Variants in SACS observed in about 807,000 individuals in gnomAD.
The protein encoded by SACS is sacsin molecular chaperone.
A neutral mutation model predicts 348.0 loss-of-function variants in SACS; 197 were observed. The ratio of observed to expected loss-of-function variants is 0.57; its 90% CI spans 0.50 to 0.64. SACS has a LOEUF of 0.64. Among genes scored for constraint, SACS ranks in the 30% least tolerant of loss-of-function variants. The pLI is 0.00. For synonymous variants in SACS, 1,985 were observed against 1,910.6 expected, an observed-to-expected ratio of 1.04 and a Z score of -1.02; for missense variants, 4,999 against 5,360.8, an observed-to-expected ratio of 0.93 and a Z score of 2.11.
rs1181465031 is a variant in SACS, at chr13:23,338,438, A to G, written c.5438T>C (p.Val1813Ala). 1 of 1,614,100 alleles carries G rather than the reference A, an allele frequency of 6.2e-7. No homozygotes were observed. Among genetic ancestry groups the G allele is most frequent in the Admixed American group, 1.7e-5 (1 of 60,022 alleles). The change falls in exon 10 of 10, where the codon GTA becomes GCA. Residue 1813 changes from valine (V) to alanine (A), a missense_variant. Transcript: ENST00000382292. Reference protein sequence around the residue: ...KPSDELSQKTVECTTWLLCTC... With the variant: ...KPSDELSQKTAECTTWLLCTC... ...ACACAGAAGCCACGTGGTACACTCT[A>G]CTGTTTTCTGTGACAACTCATCTGA...
At position 23,336,128 on chromosome 13, in the gene SACS, A is replaced by C; in HGVS notation, c.7748T>G (p.Leu2583Trp). The change falls in exon 10 of 10, where the codon TTG becomes TGG. Residue 2583 changes from leucine to tryptophan, a missense_variant. Coordinates refer to ENST00000382292, the MANE Select transcript of SACS (RefSeq NM_014363.6). ...GTACACACAAAGTGCTGGCCCTTGC[A>C]ATGGGGCCCACTTATCATCAAATAT... ...DRIFDDKWAP[L>W]QGPALCVYNN... The C allele has an allele frequency of 6.2e-7, 1 of 1,613,022 alleles. No homozygotes were observed. The highest frequency in any genetic ancestry group is 8.5e-7 in the Non-Finnish European group (1 of 1,179,202).
intron 1 of SACS, chr13:23,428,243 C>A (rs9578596): frequency 0.093 from 14,081 of 152,148 alleles, 725 homozygotes; most frequent in African/African-American, 0.12. Flanking sequence ...TTGAAAGCCG[C>A]TATCATTACA....
In SACS at chr13:23,334,946, A is replaced by G; in HGVS notation, c.8930T>C (p.Leu2977Pro). ...RLDLQPDLYC[L>P]VKALYNCIHE... ...AATGCAATTGTAAAGTGCTTTCACT[A>G]GACAATATAAATCTGGCTGTAGATC... is the stretch of plus-strand genomic sequence containing the variant. Residue 2977 changes from leucine (L) to proline (P), a missense_variant, in exon 10 of 10, where the codon CTA becomes CCA. By Grantham distance (98) the Leu-to-Pro change is moderately conservative. Around this residue, in one of 6 missense-constraint regions of SACS, gnomAD observed 734 missense variants for 694.0 expected, o/e 1.06. Transcript: ENST00000382292. 6.2e-7 allele frequency: 1 copy of G among 1,613,920 alleles called. No individual in the cohort carries two copies. The highest frequency in any genetic ancestry group is 8.5e-7 in the Non-Finnish European group (1 of 1,179,854).
Position 23,353,797 on chromosome 13 carries a change from C to T in SACS, c.2173G>A (p.Ala725Thr). ...PHLVAALKEA[A>T]QTRGRPCTQL... ...TAAACTATAATACCTCGGGTTTGGG[C>T]AGCTTCCTTTAAAGCAGCCACAAGG... Residue 725 changes from alanine to threonine, a missense_variant, in exon 9 of 10, where the codon GCC (alanine) becomes ACC (threonine). Ala to Thr is a moderately conservative substitution (Grantham distance 58). Coordinates refer to ENST00000382292, the MANE Select transcript of SACS (RefSeq NM_014363.6). The T allele has an allele frequency of 6.3e-7, 1 of 1,595,788 alleles. No homozygotes were observed. Among genetic ancestry groups the T allele is most frequent in the Non-Finnish European group, 8.6e-7 (1 of 1,163,812 alleles).
At chr13:23,370,918 G>A (rs1171207524) in intron 4 of SACS, among the ~76,000 whole-genome samples, 160 bp downstream of exon 4, 2 of 152,192 alleles carry the variant, frequency 1.3e-5, no homozygotes, top group East Asian at 3.9e-4. Context: ...CTTGAACCCA[G>A]GAGGCAGAGG....
Position 23,400,612 on chromosome 13 carries a change from C to G in SACS, c.20+10608G>C, listed in dbSNP as rs1256344874. ...ATTTTTTGTATTTTTAGTAGAGACA[C>G]GGTTTCACCGTGTTAGCCAGGATGG... On this transcript the variant is annotated intron_variant, in intron 2 of 9. Transcript: ENST00000382292. Among the ~76,000 whole-genome samples the G allele has an allele frequency of 7.2e-5, 11 of 152,078 alleles. No individual in the cohort carries two copies. In the South Asian group the frequency reaches 1.0e-3, roughly 14 times the overall value.
At position 23,335,622 on chromosome 13, in the gene SACS, T is replaced by C. The variant is rs375814343; in HGVS notation, c.8254A>G (p.Ile2752Val). 28 of 1,613,834 alleles carry C rather than the reference T, an allele frequency of 1.7e-5. No homozygotes were observed. The highest frequency in any genetic ancestry group is 5.3e-5 in the African/African-American group (4 of 74,908). ...NHMEKISICE[I>V]DKSTGALNVL... Reference sequence around the variant, plus strand: ...TTTAGAGCTCCAGTACTCTTATCTATTTCACAAATAGAAATTTTTTCCATG... The same window carrying C: ...TTTAGAGCTCCAGTACTCTTATCTACTTCACAAATAGAAATTTTTTCCATG... Residue 2752 changes from isoleucine (I) to valine (V), a missense_variant, in exon 10 of 10, where the codon ATA becomes GTA. Around this residue, in one of 6 missense-constraint regions of SACS, gnomAD observed 3,156 missense variants for 3,380.1 expected, o/e 0.93. Coordinates refer to ENST00000382292, the MANE Select transcript of SACS (RefSeq NM_014363.6). This position sits in a 1 kb window ranked among gnomAD's most constrained non-coding sequence, Gnocchi z 4.7.
chr13:23,398,377 ATAAAAAAT>A lies in SACS; in HGVS notation c.20+12835_20+12842del, dbSNP rs1227195378. Among the ~76,000 whole-genome samples the A allele has an allele frequency of 2.6e-5, 4 of 151,066 alleles. No homozygotes were observed. In the East Asian group the frequency reaches 7.9e-4, roughly 30 times the overall value. On this transcript the variant is annotated intron_variant, in intron 2 of 9. Transcript: ENST00000382292. ...GTGAAACCCCATCTCTACTAAAAAT[ATAAAAAAT>A]TAGCGAGGCGTGGTGGTGCATGCCT...
chr13:23,356,652 G>A (rs534360887), intron 7 of SACS, among the ~76,000 whole-genome samples: 8 of 152,336 alleles, frequency 5.3e-5, no homozygotes, highest in African/African-American at 1.9e-4. Flanking sequence ...GGACAGAGTA[G>A]TATTCAAAAA....
At position 23,341,651 on chromosome 13, in the gene SACS, C is replaced by T. The variant is rs2137645971; in HGVS notation, c.2225G>A (p.Arg742Gln). 11 of 1,613,368 alleles carry T rather than the reference C, an allele frequency of 6.8e-6. No individual in the cohort carries two copies. Among genetic ancestry groups the T allele is most frequent in the Middle Eastern group, 1.6e-4 (1 of 6,062 alleles). Residue 742 changes from arginine to glutamine, a missense_variant, in exon 10 of 10, where the codon CGA becomes CAA. Physicochemically the swap from Arg to Gln is conservative, Grantham distance 43. Transcript: ENST00000382292. ...TACTTCCTTGATAAGACGTGCAAAT[C>T]GTTCTGGATTTAGAAGCTGCAGCTG... ...CTQLQLLNPE[R>Q]FARLIKEVMN...
Position 23,329,606 on chromosome 13 carries a change from C to A in SACS, c.*530G>T. On this transcript the variant is annotated 3_prime_UTR_variant, in exon 10 of 10. Coordinates refer to ENST00000382292, the MANE Select transcript of SACS (RefSeq NM_014363.6). Reference sequence around the variant, plus strand: ...ATAGGATTAAAATACTCTACCATTTCTTAAATGCACTGAGTACAACATAAA... The same window carrying A: ...ATAGGATTAAAATACTCTACCATTTATTAAATGCACTGAGTACAACATAAA... The A allele has an allele frequency of 1.8e-6, 1 of 567,242 alleles. No homozygotes were observed. Among genetic ancestry groups the A allele is most frequent in the Non-Finnish European group, 3.1e-6 (1 of 324,540 alleles). 35.1% of individuals were successfully genotyped at this position (567,242 alleles called of 1,614,324 possible).
At chr13:23,419,117 G>A (rs1216409239) in intron 1 of SACS, 1 of 152,502 alleles carries the variant, frequency 6.6e-6, no homozygotes, top group East Asian at 1.9e-4. Context: ...GCAAGAGCGC[G>A]GCCGTCCGGC....
intron 9 of SACS, 152 bp downstream of exon 9, chr13:23,353,633 T>C (rs967815825): frequency 5.9e-5 from 35 of 595,140 alleles, no homozygotes; most frequent in Non-Finnish European, 6.0e-5. Context: ...GATGCCATTC[T>C]GGCAACTGAA....
Position 23,335,778 on chromosome 13 carries a change from A to C in SACS, c.8098T>G (p.Phe2700Val). 6.2e-7 allele frequency: 1 copy of C among 1,614,060 alleles called. No individual in the cohort carries two copies. The highest frequency in any genetic ancestry group is 1.1e-5 in the South Asian group (1 of 91,076). ...GCCATTTCTGCATTACGAAGAGGAA[A>C]TCTGAACATTGTGCAATTATCCAGT... ...FKLDNCTMFR[F>V]PLRNAEMAKV... The change falls in exon 10 of 10, where the codon TTT (phenylalanine) becomes GTT (valine). Residue 2700 changes from phenylalanine to valine, a missense_variant. By Grantham distance (50) the Phe-to-Val change is conservative. Transcript: ENST00000382292. The surrounding 1 kb of genome is among the most constrained non-coding windows in gnomAD (Gnocchi z 4.7).
chr13:23,400,422 T>C (rs146401369), intron 2 of SACS, among the ~76,000 whole-genome samples: 9 of 152,206 alleles, frequency 5.9e-5, no homozygotes, highest in Admixed American at 3.3e-4. Context: ...TATTTACTTA[T>C]TTTATTTTAT....
At position 23,354,515 on chromosome 13, in the gene SACS, C is replaced by T. The variant is rs761500925; in HGVS notation, c.2093+4G>A. 6.2e-7 allele frequency: 1 copy of T among 1,613,602 alleles called. No individual in the cohort carries two copies. On this transcript the variant is annotated splice_donor_region_variant and intron_variant, in intron 8 of 9. Coordinates refer to ENST00000382292, the MANE Select transcript of SACS (RefSeq NM_014363.6). ...AACAGGAATGTTAGAAGGGGGACCC[C>T]TACCTTGGATATTCTGCTGAGGTAA...
Position 23,338,658 on chromosome 13 carries a change from T to C in SACS, c.5218A>G (p.Lys1740Glu). 6.2e-7 allele frequency: 1 copy of C among 1,614,180 alleles called. No homozygotes were observed. The highest frequency in any genetic ancestry group is 8.5e-7 in the Non-Finnish European group (1 of 1,180,016). Residue 1740 changes from lysine to glutamate, a missense_variant, in exon 10 of 10, where the codon AAG becomes GAG. Physicochemically the swap from Lys to Glu is moderately conservative, Grantham distance 56. Transcript: ENST00000382292. ...TTTTTATTACTGCTGCTGCAAGTCT[T>C]CATGAGCTTAGCAGCCTCTTTTAAA... The part of the protein sequence containing the change: ...SVLKEAAKLM[K>E]TCSSSNKKLP...
intron 2 of SACS, among the ~76,000 whole-genome samples, chr13:23,397,519 TA>T (rs1312849765): frequency 6.6e-6 from 1 of 152,214 alleles, no homozygotes; most frequent in African/African-American, 2.4e-5. Flanking sequence ...CTGCTCTTAG[TA>T]ACATATTTTA....
intron 8 of SACS, among the ~76,000 whole-genome samples, chr13:23,354,230 CTTG>C (rs1363648505): frequency 2.7e-4 from 41 of 152,152 alleles, no homozygotes; most frequent in African/African-American, 9.4e-4. Flanking sequence ...CTAATCTGGC[CTTG>C]TTATTATTTG....
Sources: allele counts gnomAD v4.1 joint callset (sites outside exome capture counted in the v4.1 genomes callset), GRCh38; gene constraint gnomAD v4.1.1; regional missense constraint gnomAD v4.1.1; non-coding constraint Gnocchi (gnomAD v3.1); transcripts MANE v1.5; gene names NCBI Gene and HGNC (gene_info 2026-07-23, HGNC 2026-07-21).